MRC1: variants seen among roughly 807,000 people sequenced by gnomAD.
MRC1 encodes macrophage mannose receptor 1.
A neutral mutation model predicts 102.9 loss-of-function variants in MRC1; 62 were observed. The ratio of observed to expected loss-of-function variants is 0.60; its 90% CI spans 0.49 to 0.74. The LOEUF is 0.74. Ranked by LOEUF, MRC1 falls within the 30% of genes least tolerant of loss-of-function variation. The pLI, the probability that MRC1 is intolerant of heterozygous loss-of-function variation, is 0.00. For missense variants in MRC1, 1,237 were observed against 862.8 expected (o/e 1.43, Z -5.43); for synonymous variants, 457 against 298.4 (o/e 1.53, Z -5.48).
chr10:17,894,370 TTTTCTTTC>T (rs1206483130), intron 23 of MRC1, 58 bp downstream of exon 23: 19 of 779,008 alleles, frequency 2.4e-5, no homozygotes, highest in East Asian at 9.8e-5. Flanking sequence ...TTCCCCACTT[TTTTCTTTC>T]TTTCTTTCTT....
At chr10:17,910,096 G>C (rs1000121320) in intron 29 of MRC1, 119 bp from the exon 30 acceptor site, 3 of 751,738 alleles carry the variant, frequency 4.0e-6, no homozygotes, top group Admixed American at 1.8e-5. Context: ...TTTTCTGTTT[G>C]ACAAATGTCG....
At chr10:17,886,860 T>G (rs1833604129) in intron 22 of MRC1, among the ~76,000 whole-genome samples, 1 of 152,008 alleles carries the variant, frequency 6.6e-6, no homozygotes, top group African/African-American at 2.4e-5. Context: ...CAGCAGGAGT[T>G]TTATCCAGAA....
Position 17,870,323 on chromosome 10 carries a change from A to G in MRC1, c.2061A>G (p.Leu687=). The change falls in exon 13 of 30, where the codon TTA becomes TTG. Residue 687 remains leucine (L), a synonymous_variant. Coordinates refer to ENST00000569591, the MANE Select transcript of MRC1 (RefSeq NM_002438.4). ...RDFCRALGGD[L]ASINNKEEQQ... ...TTTGTCGAGCTCTGGGTGGAGACTT[A>G]GCTAGCATCAATAACAAAGAGGAAC... 3.8e-6 allele frequency: 3 copies of G among 780,582 alleles called. No individual in the cohort carries two copies. In the Admixed American group the frequency reaches 5.1e-5, roughly 13 times the overall value. 48.4% of individuals were successfully genotyped at this position (780,582 alleles called of 1,614,324 possible).
At chr10:17,879,210 A>T (rs1833478974) in intron 18 of MRC1, among the ~76,000 whole-genome samples, 1 of 152,122 alleles carries the variant, frequency 6.6e-6, no homozygotes, top group Non-Finnish European at 1.5e-5. Flanking sequence ...AAAAGAAGGT[A>T]GCCTGGACAT....
Position 17,849,689 on chromosome 10 carries a change from A to G in MRC1, c.1174A>G (p.Arg392Gly). The change falls in exon 7 of 30, where the codon AGG becomes GGG. Residue 392 changes from arginine (R) to glycine (G), a missense_variant. By Grantham distance (125) the Arg-to-Gly change is moderately radical (BLOSUM62 -2). Transcript: ENST00000569591. ...KIQRDALTTCRKEGGDLTSIH... is the reference protein window; with the variant it reads ...KIQRDALTTCGKEGGDLTSIH... ...CCAGAGGGATGCTCTGACCACCTGCAGGAAGGAAGGCGGTGACCTCACAAG... is the reference window on the plus strand; with the variant it reads ...CCAGAGGGATGCTCTGACCACCTGCGGGAAGGAAGGCGGTGACCTCACAAG... The G allele has an allele frequency of 3.8e-6, 3 of 781,024 alleles. No individual in the cohort carries two copies. Among genetic ancestry groups the G allele is most frequent in the South Asian group, 2.7e-5 (2 of 74,620 alleles). 48.4% of individuals were successfully genotyped at this position (781,024 alleles called of 1,614,324 possible).
chr10:17,853,016 G>A lies in MRC1; in HGVS notation c.1299G>A (p.Met433Ile), dbSNP rs1166213477. Residue 433 changes from methionine to isoleucine, a missense_variant, in exon 8 of 30, where the codon ATG (methionine) becomes ATA (isoleucine). Met to Ile is a conservative substitution (Grantham distance 10, BLOSUM62 1). Coordinates refer to ENST00000569591, the MANE Select transcript of MRC1 (RefSeq NM_002438.4). Reference sequence around the variant, plus strand: ...GCTTAAATGACATTAAGATTCAAATGTACTTTGAGTGGAGTGATGGGACCC... The same window carrying A: ...GCTTAAATGACATTAAGATTCAAATATACTTTGAGTGGAGTGATGGGACCC... The part of the protein sequence containing the change: ...WIGLNDIKIQ[M>I]YFEWSDGTPV... 7 of 780,684 alleles carry A rather than the reference G, an allele frequency of 9.0e-6. No homozygotes were observed. The African/African-American group carries it at 1.0e-4, about 11-fold the overall frequency. The allele number at this position is 780,684 out of a possible 1,614,324, so 48.4% of individuals were successfully genotyped here. A position where few individuals can be genotyped will look rare whatever the true frequency, so the allele number is the denominator to read the frequency against.
intron 11 of MRC1, among the ~76,000 whole-genome samples, chr10:17,864,791 T>C (rs1356861626): frequency 2.8e-5 from 4 of 144,248 alleles, no homozygotes; most frequent in African/African-American, 1.1e-4. Context: ...ATTGTGCCAT[T>C]GCACTCCAGC....
At chr10:17,858,555 T>C (rs1051687677) in intron 9 of MRC1, among the ~76,000 whole-genome samples, 59 of 152,200 alleles carry the variant, frequency 3.9e-4, no homozygotes, top group Non-Finnish European at 7.6e-4. Context: ...TGGCATGATA[T>C]TAGCTCACTG....
chr10:17,875,339 G>A, intron 17 of MRC1, 86 bp downstream of exon 17: 1 of 754,500 alleles, frequency 1.3e-6, no homozygotes, highest in South Asian at 1.5e-5. Flanking sequence ...CTTTAGTGGT[G>A]ATTTCTGAGA....
chr10:17,811,377 C>T (rs1290792164), intron 1 of MRC1, among the ~76,000 whole-genome samples: 3 of 152,128 alleles, frequency 2.0e-5, no homozygotes, highest in Admixed American at 6.5e-5. Context: ...TCGGTTTGCT[C>T]AGGAGTGTTT....
chr10:17,862,880 T>C (rs1833204859), intron 10 of MRC1: 1 of 152,230 alleles, frequency 6.6e-6, no homozygotes, highest in Admixed American at 6.5e-5. Context: ...TTTAGACAAG[T>C]TTTCAGTGCC....
chr10:17,817,180 G>A (rs1838325147), intron 1 of MRC1, among the ~76,000 whole-genome samples: 1 of 151,338 alleles, frequency 6.6e-6, no homozygotes, highest in South Asian at 2.1e-4. Context: ...AACCTGGGAG[G>A]CGGAGGTTGC....
In MRC1 at chr10:17,863,541, C is replaced by G. The variant is rs1347163914; in HGVS notation, c.1642C>G (p.Gln548Glu). 1.5e-5 allele frequency: 12 copies of G among 780,656 alleles called. No individual in the cohort carries two copies. The highest frequency in any genetic ancestry group is 2.9e-5 in the Non-Finnish European group (12 of 417,938). The allele number at this position is 780,656 out of a possible 1,614,324, so 48.4% of individuals were successfully genotyped here. The stretch of plus-strand genomic sequence containing the variant: ...TAATTCTTCTTTTTAAAGATATGAA[C>G]AAGCCTTCCTGACTAGTTTCGTTGG... ...YLTTIEDRYE[Q>E]AFLTSFVGLR... The change falls in exon 11 of 30, where the codon CAA becomes GAA. Residue 548 changes from glutamine (Q) to glutamate (E), a missense_variant. Coordinates refer to ENST00000569591, the MANE Select transcript of MRC1 (RefSeq NM_002438.4).
chr10:17,815,199 G>A (rs1838291945), intron 1 of MRC1, among the ~76,000 whole-genome samples: 1 of 152,094 alleles, frequency 6.6e-6, no homozygotes, highest in Non-Finnish European at 1.5e-5. Flanking sequence ...TTACAGATGG[G>A]GAAGTGGAAG....
chr10:17,845,972 C>T (rs966583983), intron 6 of MRC1, among the ~76,000 whole-genome samples: 4 of 152,158 alleles, frequency 2.6e-5, no homozygotes, highest in African/African-American at 7.2e-5. Context: ...TACAATGGCG[C>T]GATCTCAGCT....
At chr10:17,886,283 T>C (rs1833591536) in intron 22 of MRC1, among the ~76,000 whole-genome samples, 1 of 144,782 alleles carries the variant, frequency 6.9e-6, no homozygotes, top group African/African-American at 2.6e-5. Flanking sequence ...ATGGGTGTTT[T>C]CTTCCTTCCT....
chr10:17,875,251 T>A lies in MRC1; in HGVS notation c.2548T>A (p.Tyr850Asn), dbSNP rs2130682756. 1.3e-6 allele frequency: 1 copy of A among 780,336 alleles called. No individual in the cohort carries two copies. Among genetic ancestry groups the A allele is most frequent in the East Asian group, 2.4e-5 (1 of 41,246 alleles). The allele number at this position is 780,336 out of a possible 1,614,324, so 48.3% of individuals were successfully genotyped here. A position where few individuals can be genotyped will look rare whatever the true frequency, so the allele number is the denominator to read the frequency against. ...SESEKKFLWKYVNRNDAQSAY... is the reference protein window; with the variant it reads ...SESEKKFLWKNVNRNDAQSAY... ...AAGTGAAAAGAAGTTTCTATGGAAA[T>A]ATGTAAGGACATCAATCATTTTTTA... The change falls in exon 17 of 30, where the codon TAT (tyrosine) becomes AAT (asparagine). Residue 850 changes from tyrosine (Y) to asparagine (N), a missense_variant and splice_region_variant. Coordinates refer to ENST00000569591, the MANE Select transcript of MRC1 (RefSeq NM_002438.4).
intron 2 of MRC1, 138 bp downstream of exon 2, chr10:17,823,613 T>A: frequency 1.4e-6 from 1 of 715,860 alleles, no homozygotes; most frequent in Admixed American, 2.0e-5. Flanking sequence ...TGTTTTCAAC[T>A]ATTCTGTAGG....
At chr10:17,850,368 G>C (rs1244318924) in intron 7 of MRC1, among the ~76,000 whole-genome samples, 1 of 151,448 alleles carries the variant, frequency 6.6e-6, no homozygotes, top group Admixed American at 6.6e-5. Flanking sequence ...GGGAGGCCAA[G>C]GTGGGAAGGA....
Sources: gnomAD v4.1 joint callset for allele counts (sites outside exome capture counted in the v4.1 genomes callset) on GRCh38, gnomAD v4.1.1 for gene constraint, MANE v1.5 for transcripts, NCBI Gene and HGNC (gene_info 2026-07-23, HGNC 2026-07-21) for gene names.